Variants in PXN observed in about 807,000 individuals in gnomAD.
PXN encodes the protein testicular tissue protein Li 134.
Under a neutral mutation model 103.6 loss-of-function variants are expected in PXN, and 61 were observed. The observed-to-expected ratio is 0.59, with a 90% CI of 0.48 to 0.73. PXN has a LOEUF of 0.73. PXN is among the 30% of genes least tolerant of loss of function. PXN has a pLI of 0.00. For synonymous variants in PXN, 562 were observed against 607.8 expected (o/e 0.92, Z 1.11); for missense variants, 1,274 against 1,460.3 (o/e 0.87, Z 2.08).
intron 1 of PXN, chr12:120,249,779 G>T (rs1201551558): frequency 3.0e-5 from 26 of 858,066 alleles, no homozygotes; most frequent in Non-Finnish European, 3.5e-5. Flanking sequence ...GAGAGAGAAG[G>T]GGGAGGAGTT....
Position 120,219,778 on chromosome 12 carries a change from C to G in PXN, c.1145G>C (p.Arg382Pro). Reference protein sequence around the residue: ...LWAVGTESQGRDWRHLPTITS... With the variant: ...LWAVGTESQGPDWRHLPTITS... Reference sequence around the variant, plus strand: ...GATGGTCGGCAGGTGCCTCCAATCTCGACCCTGACTCTCTGTGCCCACTGC... The same window carrying G: ...GATGGTCGGCAGGTGCCTCCAATCTGGACCCTGACTCTCTGTGCCCACTGC... The change falls in exon 7 of 15, where the codon CGA becomes CCA. Residue 382 changes from arginine to proline, a missense_variant. Physicochemically the swap from Arg to Pro is moderately radical, Grantham distance 103. Coordinates refer to ENST00000637617, the MANE Select transcript of PXN (RefSeq NM_001385981.1). The surrounding 1 kb of genome is among the most constrained non-coding windows in gnomAD (Gnocchi z 6.5). 1.3e-6 allele frequency: 2 copies of G among 1,597,990 alleles called. No homozygotes were observed. The highest frequency in any genetic ancestry group is 1.7e-6 in the Non-Finnish European group (2 of 1,179,620).
chr12:120,243,823 G>A (rs974185182), intron 1 of PXN, among the ~76,000 whole-genome samples: 1 of 152,180 alleles, frequency 6.6e-6, no homozygotes, highest in East Asian at 1.9e-4. Context: ...CTTCTCCTAT[G>A]AGAACACCTC....
Position 120,224,741 on chromosome 12 carries a change from C to A in PXN, c.14-364G>T, listed in dbSNP as rs559913330. On this transcript the variant is annotated intron_variant, in intron 1 of 14. Transcript: ENST00000637617. The surrounding 1 kb of genome is among the most constrained non-coding windows in gnomAD (Gnocchi z 5.0). ...GGAACTCTGAATCTGCAGGGCAACG[C>A]GGAGAGAATGGGCGGGAGGGGCCCC... is the stretch of plus-strand genomic sequence containing the variant. 1.2e-5 allele frequency: 6 copies of A among 512,314 alleles called. No homozygotes were observed. Among genetic ancestry groups the A allele is most frequent in the African/African-American group, 5.7e-5 (3 of 52,410 alleles). The allele number at this position is 512,314 out of a possible 1,614,324, so 31.7% of individuals were successfully genotyped here.
At chr12:120,242,225 G>C (rs559101351) in intron 1 of PXN, among the ~76,000 whole-genome samples, 2 of 152,146 alleles carry the variant, frequency 1.3e-5, no homozygotes, top group Non-Finnish European at 2.9e-5. Flanking sequence ...AACACAAGTT[G>C]TTCTCCCTGT....
chr12:120,232,550 AAGAC>A (rs1210637575), intron 1 of PXN, among the ~76,000 whole-genome samples: 4 of 152,292 alleles, frequency 2.6e-5, no homozygotes, highest in African/African-American at 9.6e-5. Context: ...ACATACAAAA[AAGAC>A]AGCCTCAAAC....
Position 120,219,376 on chromosome 12 carries a change from A to G in PXN, c.1547T>C (p.Met516Thr), listed in dbSNP as rs1231367207. The change falls in exon 7 of 15, where the codon ATG (methionine) becomes ACG (threonine). Residue 516 changes from methionine (M) to threonine (T), a missense_variant. This residue lies in a region of PXN where 1,178 missense variants were observed against 1,309.0 expected (regional missense o/e 0.90). Transcript: ENST00000637617. The surrounding 1 kb of genome is among the most constrained non-coding windows in gnomAD (Gnocchi z 6.5). ...CCTGGCCACACTTCCCCTCTCGGTCATCTTTGCACCTAGCTGCTCCGTGGT... is the reference window on the plus strand; with the variant it reads ...CCTGGCCACACTTCCCCTCTCGGTCGTCTTTGCACCTAGCTGCTCCGTGGT... Reference protein sequence around the residue: ...SVTTEQLGAKMTERGSVARPT... With the variant: ...SVTTEQLGAKTTERGSVARPT... 6.3e-7 allele frequency: 1 copy of G among 1,598,334 alleles called. No individual in the cohort carries two copies. The highest frequency in any genetic ancestry group is 8.5e-7 in the Non-Finnish European group (1 of 1,179,760).
chr12:120,217,265 C>T lies in PXN; in HGVS notation c.1717-149G>A. ...GGTGGGTGGAGGCACGGGGAGGGGG[C>T]AGATTGGACCGGTGGAGGTGGGTAG... On this transcript the variant is annotated intron_variant, in intron 7 of 14. Transcript: ENST00000637617. The surrounding 1 kb of genome is among the most constrained non-coding windows in gnomAD (Gnocchi z 4.1). The T allele has an allele frequency of 1.5e-6, 1 of 675,102 alleles. No individual in the cohort carries two copies. Among genetic ancestry groups the T allele is most frequent in the Non-Finnish European group, 2.6e-6 (1 of 391,040 alleles). 41.8% of individuals were successfully genotyped at this position (675,102 alleles called of 1,614,324 possible).
At chr12:120,256,499 T>G (rs78797500) in intron 1 of PXN, among the ~76,000 whole-genome samples, 1 of 146,354 alleles carries the variant, frequency 6.8e-6, no homozygotes, top group Non-Finnish European at 1.5e-5. Context: ...CGGGGCCACA[T>G]GGGGCCACAG....
chr12:120,244,158 T>C (rs890848841), intron 1 of PXN, among the ~76,000 whole-genome samples: 7 of 147,324 alleles, frequency 4.8e-5, no homozygotes, highest in Middle Eastern at 3.2e-3. Context: ...GAATGTCCCA[T>C]CTACTGTGAT....
In PXN at chr12:120,221,908, C is replaced by T. The variant is rs1043153389; in HGVS notation, c.696-150G>A. The T allele has an allele frequency of 1.6e-6, 2 of 1,234,234 alleles. No individual in the cohort carries two copies. The highest frequency in any genetic ancestry group is 2.2e-6 in the Non-Finnish European group (2 of 918,084). The allele number at this position is 1,234,234 out of a possible 1,614,324, so 76.5% of individuals were successfully genotyped here. On this transcript the variant is annotated intron_variant, in intron 5 of 14. Coordinates refer to ENST00000637617, the MANE Select transcript of PXN (RefSeq NM_001385981.1). The surrounding 1 kb of genome is among the most constrained non-coding windows in gnomAD (Gnocchi z 6.6). ...CTCCCTGTCTCTCCTGGGGACCCATCACTGGGTCAGAAGAAAGGGCAGTTC... is the reference window on the plus strand; with the variant it reads ...CTCCCTGTCTCTCCTGGGGACCCATTACTGGGTCAGAAGAAAGGGCAGTTC...
At chr12:120,243,708 CAG>C (rs1325176840) in intron 1 of PXN, among the ~76,000 whole-genome samples, 2 of 152,096 alleles carry the variant, frequency 1.3e-5, no homozygotes, top group Non-Finnish European at 2.9e-5. Context: ...ACACACAAAA[CAG>C]AGTCAGTTTA....
In PXN at chr12:120,219,882, G is replaced by C; in HGVS notation, c.1041C>G (p.Ser347Arg). 6.3e-7 allele frequency: 1 copy of C among 1,598,448 alleles called. No homozygotes were observed. Residue 347 changes from serine (S) to arginine (R), a missense_variant, in exon 7 of 15, where the codon AGC becomes AGG. Physicochemically the swap from Ser to Arg is moderately radical, Grantham distance 110. Around this residue, in one of 2 missense-constraint regions of PXN, gnomAD observed 1,178 missense variants for 1,309.0 expected, o/e 0.90. Transcript: ENST00000637617. This position sits in a 1 kb window ranked among gnomAD's most constrained non-coding sequence, Gnocchi z 6.5. ...GRGLLPPVAP[S>R]WLDLAGLGVM... The stretch of plus-strand genomic sequence containing the variant: ...CCCCAAGACCAGCCAAATCAAGCCA[G>C]CTGGGGGCTACAGGAGGTAGAAGGC...
intron 1 of PXN, among the ~76,000 whole-genome samples, chr12:120,233,493 T>C (rs902302124): frequency 2.6e-5 from 4 of 151,868 alleles, no homozygotes; most frequent in African/African-American, 9.7e-5. Flanking sequence ...CTTAGTAGAG[T>C]CGAAGTTTCA....
intron 1 of PXN, among the ~76,000 whole-genome samples, chr12:120,259,760 G>A (rs768632005): frequency 3.3e-5 from 5 of 152,210 alleles, no homozygotes; most frequent in Non-Finnish European, 5.9e-5. Context: ...AAGGCAGAGT[G>A]GACCCCGTGA....
At position 120,212,391 on chromosome 12, in the gene PXN, G is replaced by C. The variant is rs1390366271; in HGVS notation, c.3169C>G (p.Gln1057Glu). The change falls in exon 15 of 15, where the codon CAG becomes GAG. Residue 1057 changes from glutamine (Q) to glutamate (E), a missense_variant. This residue lies in a region of PXN where 96 missense variants were observed against 151.3 expected (regional missense o/e 0.63). Transcript: ENST00000637617. This position sits in a 1 kb window ranked among gnomAD's most constrained non-coding sequence, Gnocchi z 7.2. ...EHFVCAFCLK[Q>E]LNKGTFKEQN... is the part of the protein sequence containing the mutation. The stretch of plus-strand genomic sequence containing the variant: ...TCCTTGAAGGTGCCCTTGTTGAGCT[G>C]CTTGAGGCAGAAGGCACAGACGAAG... 1.2e-6 allele frequency: 2 copies of C among 1,613,908 alleles called. No homozygotes were observed. The highest frequency in any genetic ancestry group is 3.3e-5 in the Admixed American group (2 of 60,010).
At position 120,265,279 on chromosome 12, in the gene PXN, T is replaced by C. The variant is rs1894515105; in HGVS notation, c.13+338A>G. 6.6e-6 allele frequency among the ~76,000 whole-genome samples: 1 copy of C among 151,412 alleles called. No individual in the cohort carries two copies. The highest frequency in any genetic ancestry group is 1.5e-5 in the Non-Finnish European group (1 of 67,810). Reference sequence around the variant, plus strand: ...TGACGAGGTGGTCTGCCGCAGGAAGTCTCGTCCCTGCAGCGGACGGGGTGG... The same window carrying C: ...TGACGAGGTGGTCTGCCGCAGGAAGCCTCGTCCCTGCAGCGGACGGGGTGG... On this transcript the variant is annotated intron_variant, in intron 1 of 14. Transcript: ENST00000637617. This position sits in a 1 kb window ranked among gnomAD's most constrained non-coding sequence, Gnocchi z 5.7.
Position 120,214,009 on chromosome 12 carries a change from G to A in PXN, c.2831-19C>T. 1 of 1,609,870 alleles carries A rather than the reference G, an allele frequency of 6.2e-7. No homozygotes were observed. The highest frequency in any genetic ancestry group is 8.5e-7 in the Non-Finnish European group (1 of 1,178,588). On this transcript the variant is annotated intron_variant, in intron 13 of 14. Coordinates refer to ENST00000637617, the MANE Select transcript of PXN (RefSeq NM_001385981.1). This position sits in a 1 kb window ranked among gnomAD's most constrained non-coding sequence, Gnocchi z 5.0. ...TGGAACCCTGGGGAGCGGGGGTTTT[G>A]GAGGCACAGTTCATTCCGGCTTCCA... is the stretch of plus-strand genomic sequence containing the variant.
At chr12:120,238,195 C>T (rs1889462994) in intron 1 of PXN, among the ~76,000 whole-genome samples, 1 of 152,178 alleles carries the variant, frequency 6.6e-6, no homozygotes, top group Non-Finnish European at 1.5e-5. Flanking sequence ...GACCTCTGGG[C>T]TTTCAGTCTG....
Position 120,219,865 on chromosome 12 carries a change from C to G in PXN, c.1058G>C (p.Gly353Ala). 6.3e-7 allele frequency: 1 copy of G among 1,598,464 alleles called. No homozygotes were observed. Among genetic ancestry groups the G allele is most frequent in the Non-Finnish European group, 8.5e-7 (1 of 1,179,810 alleles). ...GAAGGTGTCAGGCATCACCCCAAGA[C>G]CAGCCAAATCAAGCCAGCTGGGGGC... ...PVAPSWLDLA[G>A]LGVMPDTFNS... The change falls in exon 7 of 15, where the codon GGT becomes GCT. Residue 353 changes from glycine (G) to alanine (A), a missense_variant. This residue lies in a region of PXN where 1,178 missense variants were observed against 1,309.0 expected (regional missense o/e 0.90). Coordinates refer to ENST00000637617, the MANE Select transcript of PXN (RefSeq NM_001385981.1). The surrounding 1 kb of genome is among the most constrained non-coding windows in gnomAD (Gnocchi z 6.5).
Sources: gnomAD v4.1 joint callset for allele counts (sites outside exome capture counted in the v4.1 genomes callset) on GRCh38, gnomAD v4.1.1 for gene constraint, gnomAD v4.1.1 regional missense constraint, Gnocchi (gnomAD v3.1) non-coding constraint, MANE v1.5 for transcripts, NCBI Gene and HGNC (gene_info 2026-07-23, HGNC 2026-07-21) for gene names.